ZNF638: variants seen among roughly 807,000 people sequenced by gnomAD.
ZNF638 encodes the protein zinc finger protein 638.
A neutral mutation model predicts 195.6 loss-of-function variants in ZNF638; 46 were observed. That is an observed-to-expected ratio of 0.24 (90% CI 0.19 to 0.30). The LOEUF is 0.30. Among genes scored for constraint, ZNF638 ranks in the 10% least tolerant of loss-of-function variants. ZNF638 has a pLI of 1.00. For synonymous variants in ZNF638, 845 were observed against 772.0 expected (o/e 1.09, Z -1.57); for missense variants, 2,440 against 2,325.3 (o/e 1.05, Z -1.01).
intron 8 of ZNF638, chr2:71,376,259 A>T (rs900211630): frequency 6.6e-6 from 1 of 152,258 alleles, no homozygotes; most frequent in African/African-American, 2.4e-5. Context: ...TGTTTGGATG[A>T]TGCTGGAACA....
intron 10 of ZNF638, chr2:71,393,247 A>G (rs762648811): frequency 8.5e-6 from 5 of 590,726 alleles, no homozygotes; most frequent in Non-Finnish European, 1.5e-5. Context: ...ATAAATTTCA[A>G]TCAACTATAG....
Position 71,368,448 on chromosome 2 carries a change from T to C in ZNF638, c.2062T>C (p.Cys688Arg). Residue 688 changes from cysteine (C) to arginine (R), a missense_variant, in exon 7 of 28, where the codon TGT becomes CGT. By Grantham distance (180) the Cys-to-Arg change is radical. Transcript: ENST00000264447. Reference protein sequence around the residue: ...LLITELPEDGCTEEDVRKLFQ... With the variant: ...LLITELPEDGRTEEDVRKLFQ... ...TATAACTGAATTACCAGAGGATGGT[T>C]GTACTGAAGAAGATGTGAGAAAATT... 6.2e-7 allele frequency: 1 copy of C among 1,613,652 alleles called. No homozygotes were observed. The highest frequency in any genetic ancestry group is 8.5e-7 in the Non-Finnish European group (1 of 1,179,760).
Position 71,406,111 on chromosome 2 carries a change from C to G in ZNF638, c.3001-17C>G, listed in dbSNP as rs774167974. 3 of 1,612,394 alleles carry G rather than the reference C, an allele frequency of 1.9e-6. No individual in the cohort carries two copies. The highest frequency in any genetic ancestry group is 1.7e-6 in the Non-Finnish European group (2 of 1,179,042). ...TCAGCTGTGGTTTTTTCTGTGCTGT[C>G]TCTTAAAAAACTACAGGCAAACATA... On this transcript the variant is annotated splice_polypyrimidine_tract_variant and intron_variant, in intron 18 of 27. Coordinates refer to ENST00000264447, the MANE Select transcript of ZNF638 (RefSeq NM_014497.5).
At chr2:71,407,512 A>G (rs1374991703) in intron 19 of ZNF638, 1 of 152,210 alleles carries the variant, frequency 6.6e-6, no homozygotes, top group Non-Finnish European at 1.5e-5. Flanking sequence ...AAAACAATTA[A>G]AAACATTTTT....
rs754600626 is a variant in ZNF638 at position 71,364,092 on chromosome 2, A to C, written c.1557A>C (p.Arg519Ser). Residue 519 changes from arginine (R) to serine (S), a missense_variant, in exon 5 of 28, where the codon AGA (arginine) becomes AGC (serine). Coordinates refer to ENST00000264447, the MANE Select transcript of ZNF638 (RefSeq NM_014497.5). ...CAATGCATTACATGTATAGGCCGAG[A>C]AGTCGAAGTCCAAGAATTTGCCATC... ...RSPMHYMYRPRSRSPRICHRF... is the reference protein window; with the variant it reads ...RSPMHYMYRPSSRSPRICHRF... 6.2e-7 allele frequency: 1 copy of C among 1,614,178 alleles called. No homozygotes were observed. The highest frequency in any genetic ancestry group is 1.3e-5 in the African/African-American group (1 of 75,040).
intron 20 of ZNF638, among the ~76,000 whole-genome samples, chr2:71,412,028 C>T (rs1337265320): frequency 1.7e-5 from 2 of 117,828 alleles, no homozygotes; most frequent in Non-Finnish European, 3.5e-5. Context: ...ATTTCTAGTT[C>T]TAGATCCCTG....
intron 1 of ZNF638, among the ~76,000 whole-genome samples, chr2:71,337,068 A>G (rs951093171): frequency 6.6e-6 from 1 of 152,200 alleles, no homozygotes; most frequent in Non-Finnish European, 1.5e-5. Flanking sequence ...GGCCAAATCC[A>G]AAAATGTGTT....
At chr2:71,333,417 A>G (rs2078608150) in intron 1 of ZNF638, among the ~76,000 whole-genome samples, 1 of 152,192 alleles carries the variant, frequency 6.6e-6, no homozygotes, top group African/African-American at 2.4e-5. Flanking sequence ...TAATGTGTTT[A>G]TGGTCACATA....
At position 71,388,675 on chromosome 2, in the gene ZNF638, G is replaced by A. The variant is rs775042723; in HGVS notation, c.2378-7466G>A. 3.8e-6 allele frequency: 4 copies of A among 1,066,196 alleles called. No homozygotes were observed. The Admixed American group carries it at 5.1e-5, about 13-fold the overall frequency. The allele number at this position is 1,066,196 out of a possible 1,614,324, so 66.0% of individuals were successfully genotyped here. On this transcript the variant is annotated intron_variant, in intron 10 of 27. Transcript: ENST00000264447. ...TGCCCCTCGTGAGGAACACTGCAAG[G>A]GATCACGACGGAACCCCCGAAAATG... is the stretch of plus-strand genomic sequence containing the variant.
At chr2:71,342,980 C>A (rs1347014284) in intron 1 of ZNF638, among the ~76,000 whole-genome samples, 1 of 151,964 alleles carries the variant, frequency 6.6e-6, no homozygotes, top group Non-Finnish European at 1.5e-5. Context: ...AGTATTTTAT[C>A]CAAAGACTTT....
intron 8 of ZNF638, 118 bp downstream of exon 8, chr2:71,370,123 T>C: frequency 9.3e-7 from 1 of 1,072,264 alleles, no homozygotes; most frequent in Non-Finnish European, 1.4e-6. Flanking sequence ...CTCAACACAT[T>C]ATATGTGCAT....
Position 71,422,922 on chromosome 2 carries a change from A to T in ZNF638, c.3408A>T (p.Gln1136His), listed in dbSNP as rs930297803. 1 of 1,614,148 alleles carries T rather than the reference A, an allele frequency of 6.2e-7. No individual in the cohort carries two copies. Among genetic ancestry groups the T allele is most frequent in the Non-Finnish European group, 8.5e-7 (1 of 1,179,998 alleles). Residue 1136 changes from glutamine (Q) to histidine (H), a missense_variant, in exon 22 of 28, where the codon CAA becomes CAT. This residue lies in a region of ZNF638 where 1,883 missense variants were observed against 1,739.1 expected (regional missense o/e 1.08). Coordinates refer to ENST00000264447, the MANE Select transcript of ZNF638 (RefSeq NM_014497.5). ...ELEEESTPSI[Q>H]TETLVQQEEP... The stretch of plus-strand genomic sequence containing the variant: ...AAGAAGAAAGTACTCCCAGCATTCA[A>T]ACAGAAACTTTGGTACAGCAGGAAG...
At chr2:71,392,037 A>G (rs1024406793) in intron 10 of ZNF638, among the ~76,000 whole-genome samples, 4 of 152,206 alleles carry the variant, frequency 2.6e-5, no homozygotes, top group African/African-American at 9.6e-5. Context: ...ATATCCAGCT[A>G]GTTAGTAAAG....
chr2:71,384,982 A>G (rs1447884571), intron 10 of ZNF638, among the ~76,000 whole-genome samples: 1 of 152,194 alleles, frequency 6.6e-6, no homozygotes, highest in Non-Finnish European at 1.5e-5. Flanking sequence ...TCAGAAAGCA[A>G]TATCGATTTC....
chr2:71,432,232 A>C (rs1309657296), intron 26 of ZNF638, among the ~76,000 whole-genome samples: 1 of 152,162 alleles, frequency 6.6e-6, no homozygotes, highest in Non-Finnish European at 1.5e-5. Flanking sequence ...ACAGGGTCTC[A>C]TTCTGTCAGC....
In ZNF638 at chr2:71,350,069, A is replaced by G. The variant is rs748172841; in HGVS notation, c.1115A>G (p.Asn372Ser). The change falls in exon 2 of 28, where the codon AAT becomes AGT. Residue 372 changes from asparagine (N) to serine (S), a missense_variant. Coordinates refer to ENST00000264447, the MANE Select transcript of ZNF638 (RefSeq NM_014497.5). Reference sequence around the variant, plus strand: ...GTTGGATCAAGAGGAAGTAAAAAGAATTACCAGTCACAGGCTGACATTCCC... The same window carrying G: ...GTTGGATCAAGAGGAAGTAAAAAGAGTTACCAGTCACAGGCTGACATTCCC... ...VHVGSRGSKK[N>S]YQSQADIPIR... is the part of the protein sequence containing the mutation. 6.2e-7 allele frequency: 1 copy of G among 1,614,202 alleles called. No homozygotes were observed. Among genetic ancestry groups the G allele is most frequent in the South Asian group, 1.1e-5 (1 of 91,090 alleles).
rs769213693 is a variant in ZNF638 at position 71,400,099 on chromosome 2, C to T, written c.2588-13C>T. ...TGTTTTACTAGACTATTAAAGCAGACTATTTCATGCAGAAAACTCTGAAAT... is the reference window on the plus strand; with the variant it reads ...TGTTTTACTAGACTATTAAAGCAGATTATTTCATGCAGAAAACTCTGAAAT... On this transcript the variant is annotated splice_polypyrimidine_tract_variant and intron_variant, in intron 13 of 27. Transcript: ENST00000264447. 7.5e-6 allele frequency: 12 copies of T among 1,592,898 alleles called. No individual in the cohort carries two copies. Among genetic ancestry groups the T allele is most frequent in the African/African-American group, 1.4e-5 (1 of 73,802 alleles).
Position 71,427,129 on chromosome 2 carries a change from G to A in ZNF638, c.5260G>A (p.Val1754Ile), listed in dbSNP as rs755590308. Residue 1754 changes from valine to isoleucine, a missense_variant, in exon 24 of 28, where the codon GTA (valine) becomes ATA (isoleucine). Val to Ile is a conservative substitution (Grantham distance 29, BLOSUM62 3). Coordinates refer to ENST00000264447, the MANE Select transcript of ZNF638 (RefSeq NM_014497.5). Reference protein sequence around the residue: ...SDLHLVTLDEVTEEDEDSLAD... With the variant: ...SDLHLVTLDEITEEDEDSLAD... ...TTTGCATTTAGTGACTTTGGATGAA[G>A]TAACTGAAGAGGATGAAGACTCTCT... 2 of 1,614,062 alleles carry A rather than the reference G, an allele frequency of 1.2e-6. No homozygotes were observed. Among genetic ancestry groups the A allele is most frequent in the Non-Finnish European group, 8.5e-7 (1 of 1,179,978 alleles).
intron 14 of ZNF638, 72 bp downstream of exon 14, chr2:71,400,252 G>A (rs560620233): frequency 3.3e-6 from 4 of 1,229,514 alleles, no homozygotes; most frequent in Non-Finnish European, 4.6e-6. Flanking sequence ...GTGAAATTAA[G>A]AGTATTACGA....
Sources: allele counts gnomAD v4.1 joint callset (sites outside exome capture counted in the v4.1 genomes callset), GRCh38; gene constraint gnomAD v4.1.1; regional missense constraint gnomAD v4.1.1; transcripts MANE v1.5; gene names NCBI Gene and HGNC (gene_info 2026-07-23, HGNC 2026-07-21).